Variants in SLC9A6 observed in about 807,000 individuals in gnomAD.
SLC9A6 encodes the protein solute carrier family 9 member A6.
Under a neutral mutation model 45.3 loss-of-function variants are expected in SLC9A6, and 6 were observed. That is an observed-to-expected ratio of 0.13 (90% CI 0.07 to 0.26). The LOEUF is 0.26. Ranked by LOEUF, SLC9A6 falls within the 10% of genes least tolerant of loss-of-function variation. The pLI, the probability that SLC9A6 is intolerant of heterozygous loss-of-function variation, is 1.00. For missense variants in SLC9A6, 278 were observed against 503.7 expected, an observed-to-expected ratio of 0.55 and a Z score of 4.29; for synonymous variants, 191 against 187.7, an observed-to-expected ratio of 1.02 and a Z score of -0.14.
chrX:136,043,914 T>C (rs967865482), intron 17 of SLC9A6, among the ~76,000 whole-genome samples: 7 of 111,933 alleles, frequency 6.3e-5, no homozygotes, highest in Non-Finnish European at 1.1e-4. Context: ...GCATTCACCC[T>C]GTGTCTTCAC....
chrX:136,001,162 T>C (rs1348101114), intron 6 of SLC9A6, among the ~76,000 whole-genome samples: 1 of 108,865 alleles, frequency 9.2e-6, no homozygotes, highest in Non-Finnish European at 1.9e-5. Flanking sequence ...GGTAAAACTC[T>C]GTCTCTACTA....
intron 2 of SLC9A6, among the ~76,000 whole-genome samples, chrX:135,993,310 A>G (rs1244090391): frequency 9.0e-6 from 1 of 111,306 alleles, no homozygotes; most frequent in Non-Finnish European, 1.9e-5. Flanking sequence ...AGTGACTGCT[A>G]GTAGGTGTGG....
chrX:135,982,316 A>G (rs1240932463), upstream of SLC9A6, among the ~76,000 whole-genome samples: 2 of 99,472 alleles, frequency 2.0e-5, no homozygotes, highest in African/African-American at 7.4e-5. Context: ...GGTGTTTCTC[A>G]GAGGAGACCT....
intron 13 of SLC9A6, among the ~76,000 whole-genome samples, chrX:136,025,813 A>AT (rs1556620510): frequency 9.0e-6 from 1 of 111,668 alleles, no homozygotes; most frequent in African/African-American, 3.3e-5. Flanking sequence ...GTCTTTCTTA[A>AT]TTTTTTTAGA....
rs782099933 is a variant in SLC9A6 at position 136,005,943 on chromosome X, CAG to C, written c.743+3734_743+3735del. Among the ~76,000 whole-genome samples, 521 of 111,775 alleles carry C rather than the reference CAG, an allele frequency of 4.7e-3. 1 individual carries two copies. The highest frequency in any genetic ancestry group is 7.6e-3 in the Non-Finnish European group (405 of 53,176). On this transcript the variant is annotated intron_variant, in intron 7 of 17. Transcript: ENST00000630721. ...GGACTGTATCTTGAGAGGAACATAA[CAG>C]AGAAATTGTTAGCTCTGTGTTTTAA...
intron 7 of SLC9A6, among the ~76,000 whole-genome samples, chrX:136,003,375 G>T (rs950984882): frequency 9.8e-5 from 11 of 112,169 alleles, no homozygotes; most frequent in Admixed American, 9.5e-5. Context: ...AGTCTTATTT[G>T]CCTCTCATTT....
chrX:136,026,171 G>A (rs184160522), intron 13 of SLC9A6, among the ~76,000 whole-genome samples: 3 of 111,305 alleles, frequency 2.7e-5, no homozygotes, highest in South Asian at 3.8e-4. Flanking sequence ...TGGCCTCTTC[G>A]TGAACAGGGG....
intron 3 of SLC9A6, among the ~76,000 whole-genome samples, chrX:135,997,057 C>T (rs1262734234): frequency 9.1e-6 from 1 of 109,445 alleles, no homozygotes; most frequent in South Asian, 3.9e-4. Flanking sequence ...TGAGCCACCA[C>T]GCCTGGCCTC....
intron 1 of SLC9A6, among the ~76,000 whole-genome samples, chrX:135,977,544 T>C (rs1556613460): frequency 8.9e-6 from 1 of 112,193 alleles, no homozygotes; most frequent in African/African-American, 3.2e-5. Flanking sequence ...AGGAATATGC[T>C]CCTGACTATT....
In SLC9A6 at chrX:135,992,585, G is replaced by A. The variant is rs150678819; in HGVS notation, c.170-2201G>A. ...CTAAACTACTTGATTCACTGGATGG[G>A]CTGTGTTGTCTCCATCCTTGACTGA... On this transcript the variant is annotated intron_variant, in intron 2 of 17. Transcript: ENST00000630721. Among the ~76,000 whole-genome samples, 957 of 111,710 alleles carry A rather than the reference G, an allele frequency of 8.6e-3. 9 individuals carry two copies. The highest frequency in any genetic ancestry group is 0.03 in the African/African-American group (922 of 30,754).
chrX:136,016,983 G>A (rs782498122), intron 11 of SLC9A6, among the ~76,000 whole-genome samples: 1 of 111,579 alleles, frequency 9.0e-6, no homozygotes, highest in East Asian at 2.8e-4. Context: ...TGACAGACAA[G>A]TGTCCCACTG....
intron 7 of SLC9A6, among the ~76,000 whole-genome samples, chrX:136,005,978 G>GA (rs1344700707): frequency 1.8e-5 from 2 of 111,785 alleles, no homozygotes; most frequent in Non-Finnish European, 3.8e-5. Context: ...TAATAGAATT[G>GA]AAAAAATGAG....
intron 7 of SLC9A6, among the ~76,000 whole-genome samples, chrX:136,008,730 A>G (rs782008745): frequency 6.9e-4 from 77 of 112,074 alleles, no homozygotes; most frequent in Non-Finnish European, 2.1e-4. Context: ...CCTAAACTGT[A>G]CATTTTATTA....
chrX:135,979,334 C>T (rs2089276371), intron 1 of SLC9A6, among the ~76,000 whole-genome samples: 1 of 111,490 alleles, frequency 9.0e-6, no homozygotes, highest in Non-Finnish European at 1.9e-5. Context: ...TTGGCGCTCC[C>T]ACAGCGTCAA....
At chrX:136,010,078 TTGTTCACA>T (rs1235179935) in intron 7 of SLC9A6, 7 of 175,197 alleles carry the variant, frequency 4.0e-5, no homozygotes, top group Admixed American at 2.9e-4. Flanking sequence ...TTTCATTAGT[TTGTTCACA>T]TTAGTATGTT....
At chrX:136,010,239 T>C in intron 7 of SLC9A6, 1 of 224,074 alleles carries the variant, frequency 4.5e-6, no homozygotes, top group Non-Finnish European at 8.3e-6. Context: ...CCCCCCGAAA[T>C]TAACATTTAA....
chrX:136,000,492 C>A (rs1349192944), intron 6 of SLC9A6, among the ~76,000 whole-genome samples: 3 of 111,177 alleles, frequency 2.7e-5, no homozygotes, highest in African/African-American at 9.8e-5. Context: ...GCAAGGTTCT[C>A]AACTTTTCAA....
intron 7 of SLC9A6, among the ~76,000 whole-genome samples, chrX:136,009,093 C>T (rs1000954718): frequency 6.3e-5 from 7 of 111,472 alleles, no homozygotes; most frequent in Non-Finnish European, 1.1e-4. Flanking sequence ...TTTTCTCCAG[C>T]CAGTTACTGT....
intron 8 of SLC9A6, among the ~76,000 whole-genome samples, chrX:136,012,477 T>C (rs1355263878): frequency 8.8e-6 from 1 of 113,119 alleles, no homozygotes; most frequent in Non-Finnish European, 1.9e-5. Flanking sequence ...AGCAGTGAAG[T>C]GCCTCAATTT....
Sources: gnomAD v4.1 joint callset for allele counts (sites outside exome capture counted in the v4.1 genomes callset) on GRCh38, gnomAD v4.1.1 for gene constraint, MANE v1.5 for transcripts, NCBI Gene and HGNC (gene_info 2026-07-23, HGNC 2026-07-21) for gene names.